The following PTPRD variants were observed in gnomAD, a reference collection of about 807,000 sequenced individuals.
PTPRD encodes protein tyrosine phosphatase receptor type D.
PTPRD carries 34 observed loss-of-function variants against 214.5 expected under a neutral mutation model. The observed-to-expected ratio is 0.16, with a 90% CI of 0.12 to 0.21. The LOEUF is 0.21. PTPRD is among the 10% of genes least tolerant of loss of function. The pLI is 1.00. For missense variants in PTPRD, 2,545 were observed against 2,398.7 expected (o/e 1.06, Z -1.27); for synonymous variants, 1,128 against 845.7 (o/e 1.33, Z -5.79).
intron 2 of PTPRD, among the ~76,000 whole-genome samples, chr9:10,383,518 T>C (rs997869604): frequency 6.6e-6 from 1 of 151,778 alleles, no homozygotes; most frequent in African/African-American, 2.4e-5. Flanking sequence ...AAGGAGTAAG[T>C]TTTTGGAAGA....
intron 33 of PTPRD, 61 bp from the exon 34 acceptor site, chr9:8,449,898 G>C (rs954528764): frequency 6.6e-7 from 1 of 1,507,632 alleles, no homozygotes; most frequent in Non-Finnish European, 9.2e-7. Flanking sequence ...AGATAGAAAA[G>C]CAGAGAATTG....
At chr9:8,398,359 C>T (rs898517739) in intron 36 of PTPRD, among the ~76,000 whole-genome samples, 8 of 152,138 alleles carry the variant, frequency 5.3e-5, no homozygotes, top group East Asian at 1.9e-4. Context: ...AGCAGAGCTT[C>T]GGATGCGTTA....
At chr9:10,442,000 G>A (rs954178607) in intron 2 of PTPRD, among the ~76,000 whole-genome samples, 1 of 151,442 alleles carries the variant, frequency 6.6e-6, no homozygotes, top group African/African-American at 2.4e-5. Flanking sequence ...AATTTTTAAA[G>A]CTTATTTTTT....
At chr9:9,444,664 G>T (rs1028413077) in intron 8 of PTPRD, among the ~76,000 whole-genome samples, 1 of 152,038 alleles carries the variant, frequency 6.6e-6, no homozygotes, top group Admixed American at 6.6e-5. Context: ...AGTTAGACTG[G>T]GGTAGGAGTT....
chr9:9,186,015 T>G (rs2099931233), intron 9 of PTPRD, among the ~76,000 whole-genome samples: 1 of 152,074 alleles, frequency 6.6e-6, no homozygotes, highest in Admixed American at 6.6e-5. Flanking sequence ...ATGTAATCCT[T>G]TCTAAGCCAT....
intron 2 of PTPRD, among the ~76,000 whole-genome samples, chr9:10,482,179 G>A (rs1251436601): frequency 5.3e-5 from 8 of 152,086 alleles, no homozygotes; most frequent in Non-Finnish European, 1.0e-4. Context: ...AGACCAGCCC[G>A]GCTAACACAG....
At chr9:9,651,850 T>G (rs540473898) in intron 7 of PTPRD, among the ~76,000 whole-genome samples, 12 of 140,410 alleles carry the variant, frequency 8.5e-5, no homozygotes, top group Admixed American at 2.1e-4. Flanking sequence ...TTTTTTTTTT[T>G]TTTTAATGGA....
intron 11 of PTPRD, among the ~76,000 whole-genome samples, chr9:8,925,088 G>A (rs2154275049): frequency 6.6e-6 from 1 of 152,176 alleles, no homozygotes; most frequent in Admixed American, 6.6e-5. Flanking sequence ...TTAAATGTTG[G>A]TACTCTCCCA....
At chr9:9,215,417 C>G (rs984278602) in intron 9 of PTPRD, among the ~76,000 whole-genome samples, 1 of 152,092 alleles carries the variant, frequency 6.6e-6, no homozygotes. Flanking sequence ...GCCTACCACA[C>G]AGAATTGCTA....
intron 4 of PTPRD, among the ~76,000 whole-genome samples, chr9:9,952,954 C>A (rs1433000868): frequency 6.6e-6 from 1 of 152,106 alleles, no homozygotes; most frequent in Non-Finnish European, 1.5e-5. Flanking sequence ...AGCCCTCATA[C>A]TGCTTCTCAA....
At chr9:10,514,487 G>A (rs1349531102) in intron 2 of PTPRD, among the ~76,000 whole-genome samples, 1 of 151,234 alleles carries the variant, frequency 6.6e-6, no homozygotes, top group Non-Finnish European at 1.5e-5. Flanking sequence ...TTTATAAATA[G>A]GAAGGTGATT....
chr9:9,168,761 T>C (rs1304634931), intron 10 of PTPRD, among the ~76,000 whole-genome samples: 1 of 152,126 alleles, frequency 6.6e-6, no homozygotes, highest in Admixed American at 6.6e-5. Flanking sequence ...TATTTTCAAC[T>C]TCATGCTTTA....
At chr9:8,993,396 T>C (rs2099385045) in intron 11 of PTPRD, among the ~76,000 whole-genome samples, 1 of 152,162 alleles carries the variant, frequency 6.6e-6, no homozygotes, top group Non-Finnish European at 1.5e-5. Context: ...ATAGCTACTA[T>C]TATCACAAAA....
chr9:10,071,346 T>A (rs1035718003), intron 3 of PTPRD, among the ~76,000 whole-genome samples: 6 of 152,092 alleles, frequency 3.9e-5, no homozygotes, highest in Non-Finnish European at 7.4e-5. Context: ...AACAAAGTTA[T>A]ATGACTCACT....
At chr9:9,112,882 C>A (rs1292766991) in intron 10 of PTPRD, among the ~76,000 whole-genome samples, 2 of 151,666 alleles carry the variant, frequency 1.3e-5, no homozygotes, top group Admixed American at 6.6e-5. Flanking sequence ...GATTACAAAC[C>A]TTTGATGAGG....
intron 2 of PTPRD, among the ~76,000 whole-genome samples, chr9:10,536,736 A>G (rs988011088): frequency 6.6e-6 from 1 of 152,112 alleles, no homozygotes; most frequent in Non-Finnish European, 1.5e-5. Context: ...TGCAGAGAAT[A>G]AAAAACATAA....
At chr9:8,375,631 C>G (rs1163709381) in intron 39 of PTPRD, among the ~76,000 whole-genome samples, 1 of 151,960 alleles carries the variant, frequency 6.6e-6, no homozygotes, top group African/African-American at 2.4e-5. Flanking sequence ...AATATTCCCC[C>G]ACATATTATT....
chr9:8,774,836 G>A (rs1351020234), intron 11 of PTPRD, among the ~76,000 whole-genome samples: 2 of 152,070 alleles, frequency 1.3e-5, no homozygotes, highest in Non-Finnish European at 1.5e-5. Flanking sequence ...GCCCAGCCAT[G>A]AAAAGTAACT....
At chr9:9,782,404 G>C (rs2098856503) in intron 5 of PTPRD, among the ~76,000 whole-genome samples, 1 of 152,144 alleles carries the variant, frequency 6.6e-6, no homozygotes, top group South Asian at 2.1e-4. Context: ...TTGATTGACA[G>C]TCTGTCAATT....
Sources: gnomAD v4.1 joint callset for allele counts (sites outside exome capture counted in the v4.1 genomes callset) on GRCh38, gnomAD v4.1.1 for gene constraint, MANE v1.5 for transcripts, NCBI Gene and HGNC (gene_info 2026-07-23, HGNC 2026-07-21) for gene names.